The following TTL variants were observed in gnomAD, a reference collection of about 807,000 sequenced individuals.
TTL encodes tubulin--tyrosine ligase.
TTL carries 10 observed loss-of-function variants against 41.1 expected under a neutral mutation model. The ratio of observed to expected loss-of-function variants is 0.24; its 90% CI spans 0.15 to 0.41. The LOEUF (loss-of-function observed/expected upper bound fraction) is 0.41. Among genes scored for constraint, TTL ranks in the 10% least tolerant of loss-of-function variants. The probability of loss-of-function intolerance (pLI) is 1.00; values close to 1 mark genes in which losing one functional copy is unlikely to be tolerated. For synonymous variants in TTL, 175 were observed against 175.5 expected (o/e 1.00, Z 0.02); for missense variants, 367 against 460.4 (o/e 0.80, Z 1.86).
In TTL at chr2:112,533,648, C is replaced by T. The variant is rs1241686181; in HGVS notation, c.*4853C>T. On this transcript the variant is annotated 3_prime_UTR_variant, in exon 7 of 7. Transcript: ENST00000233336. ...GGCAAGAGAGGAATGGAGTCTAACT[C>T]ACCCTTTAACTAGCAACCCATTCCT... is the stretch of plus-strand genomic sequence containing the variant. The T allele has an allele frequency of 6.6e-6, 1 of 152,216 alleles. No individual in the cohort carries two copies. The highest frequency in any genetic ancestry group is 1.5e-5 in the Non-Finnish European group (1 of 68,050). The allele number at this position is 152,216 out of a possible 1,614,324, so 9.4% of individuals were successfully genotyped here.
rs142406598 is a variant in TTL, at chr2:112,524,763, T to A, written c.1020-3918T>A. Among the ~76,000 whole-genome samples, 1,298 of 152,328 alleles carry A rather than the reference T, an allele frequency of 8.5e-3. 21 individuals are homozygous for A. The highest frequency in any genetic ancestry group is 0.03 in the African/African-American group (1,232 of 41,570). ...AGGTTGCCTGTTTGCTGATGGTAGT[T>A]TCTTTTGCTGTGCAGAAGCTCTTTA... On this transcript the variant is annotated intron_variant, in intron 6 of 6. Transcript: ENST00000233336.
intron 5 of TTL, among the ~76,000 whole-genome samples, chr2:112,513,100 TGTTATAGTTATC>T (rs1010114067): frequency 2.0e-5 from 3 of 152,104 alleles, no homozygotes; most frequent in African/African-American, 7.2e-5. Context: ...TCTTGCCCTC[TGTTATAGTTATC>T]ATAAGTATAT....
Position 112,539,237 on chromosome 2 carries a change from C to G in TTL, c.*10442C>G, listed in dbSNP as rs1001774711. 6.6e-6 allele frequency: 1 copy of G among 151,768 alleles called. No homozygotes were observed. The highest frequency in any genetic ancestry group is 6.6e-5 in the Admixed American group (1 of 15,232). 9.4% of individuals were successfully genotyped at this position (151,768 alleles called of 1,614,324 possible). ...GATACTGTGCTCGCTACCTGGGTGA[C>G]AGGTTCAACCATACCCCAGACCTCA... On this transcript the variant is annotated 3_prime_UTR_variant, in exon 7 of 7. Transcript: ENST00000233336.
At chr2:112,528,324 G>T (rs1375780709) in intron 6 of TTL, among the ~76,000 whole-genome samples, 1 of 152,192 alleles carries the variant, frequency 6.6e-6, no homozygotes, top group Non-Finnish European at 1.5e-5. Context: ...AAACTGCCAG[G>T]CACGGTGGCT....
chr2:112,528,400 G>T (rs968432145), intron 6 of TTL, among the ~76,000 whole-genome samples: 2 of 152,154 alleles, frequency 1.3e-5, no homozygotes, highest in African/African-American at 2.4e-5. Context: ...AGGAGTTCAA[G>T]AGCAGCATGG....
At chr2:112,491,027 T>C (rs924950593) in intron 2 of TTL, among the ~76,000 whole-genome samples, 2 of 152,134 alleles carry the variant, frequency 1.3e-5, no homozygotes, top group East Asian at 3.9e-4. Flanking sequence ...AGTCTCACTC[T>C]GTCACCCAGG....
chr2:112,514,167 T>A (rs1384049486), intron 5 of TTL, among the ~76,000 whole-genome samples: 1 of 152,036 alleles, frequency 6.6e-6, no homozygotes, highest in Non-Finnish European at 1.5e-5. Flanking sequence ...GCCGATCACT[T>A]GAGGTCAGGA....
chr2:112,523,350 C>CTGTGTGTGTG (rs60321232), intron 6 of TTL, among the ~76,000 whole-genome samples: 5,258 of 149,818 alleles, frequency 0.035, 250 homozygotes, highest in African/African-American at 0.1. Context: ...GTGTGTGTGT[C>CTGTGTGTGTG]TGTGTGTGTG....
chr2:112,521,818 A>G (rs1331242086), intron 6 of TTL, among the ~76,000 whole-genome samples: 1 of 152,248 alleles, frequency 6.6e-6, no homozygotes, highest in Non-Finnish European at 1.5e-5. Flanking sequence ...TCAATGGAGA[A>G]CAAAGGATGT....
At chr2:112,493,021 A>G (rs1302448734) in intron 2 of TTL, among the ~76,000 whole-genome samples, 1 of 152,242 alleles carries the variant, frequency 6.6e-6, no homozygotes, top group African/African-American at 2.4e-5. Flanking sequence ...CAATGCAGAT[A>G]CGGAGTTGAA....
chr2:112,509,732 T>C (rs571635640), intron 5 of TTL, among the ~76,000 whole-genome samples: 1 of 152,364 alleles, frequency 6.6e-6, no homozygotes. Context: ...CCTAGTGAGA[T>C]GAACCCGGTA....
Position 112,531,708 on chromosome 2 carries a change from G to C in TTL, c.*2913G>C, listed in dbSNP as rs1682513443. ...GACTTAAAAAAAAAAATTCTTTTTG[G>C]AAACACAAGCATTTCTTTAAGGATG... On this transcript the variant is annotated 3_prime_UTR_variant, in exon 7 of 7. Coordinates refer to ENST00000233336, the MANE Select transcript of TTL (RefSeq NM_153712.5). 1 of 222,984 alleles carries C rather than the reference G, an allele frequency of 4.5e-6. No homozygotes were observed. The highest frequency in any genetic ancestry group is 8.9e-6 in the Non-Finnish European group (1 of 111,740). 13.8% of individuals were successfully genotyped at this position (222,984 alleles called of 1,614,324 possible). A position where few individuals can be genotyped will look rare whatever the true frequency, so the allele number is the denominator to read the frequency against.
At chr2:112,493,390 C>A (rs1017011338) in intron 2 of TTL, among the ~76,000 whole-genome samples, 10 of 151,660 alleles carry the variant, frequency 6.6e-5, no homozygotes, top group African/African-American at 2.2e-4. Context: ...TTCGGGCCTG[C>A]ATGTTGGCTG....
At chr2:112,486,546 C>A (rs1298511577) in intron 2 of TTL, among the ~76,000 whole-genome samples, 1 of 152,174 alleles carries the variant, frequency 6.6e-6, no homozygotes, top group Non-Finnish European at 1.5e-5. Flanking sequence ...TGTAAGGGGT[C>A]CCTCAGAAAG....
chr2:112,500,547 G>C (rs1446198691), intron 3 of TTL, among the ~76,000 whole-genome samples: 1 of 152,070 alleles, frequency 6.6e-6, no homozygotes, highest in Non-Finnish European at 1.5e-5. Context: ...CTCCATCCTG[G>C]GCGACAGAGT....
intron 3 of TTL, 96 bp from the exon 4 acceptor site, chr2:112,501,110 C>T: frequency 7.8e-7 from 1 of 1,284,646 alleles, no homozygotes; most frequent in Non-Finnish European, 1.1e-6. Flanking sequence ...TTGAAAGCCT[C>T]TTGTGGGGTT....
At chr2:112,486,545 T>C (rs6708059) in intron 2 of TTL, among the ~76,000 whole-genome samples, 7 of 152,110 alleles carry the variant, frequency 4.6e-5, no homozygotes, top group African/African-American at 7.2e-5. Context: ...CTGTAAGGGG[T>C]CCCTCAGAAA....
intron 4 of TTL, among the ~76,000 whole-genome samples, chr2:112,501,605 C>T (rs1351783318): frequency 1.3e-5 from 2 of 152,006 alleles, no homozygotes; most frequent in Admixed American, 6.6e-5. Context: ...CAGTGGCTCA[C>T]GCTTGTAATC....
At chr2:112,492,592 G>C (rs1361357418) in intron 2 of TTL, among the ~76,000 whole-genome samples, 2 of 152,152 alleles carry the variant, frequency 1.3e-5, no homozygotes, top group Admixed American at 1.3e-4. Flanking sequence ...TTAGCTGGGC[G>C]TGGTGGTGGG....
Sources: gnomAD v4.1 joint callset for allele counts (sites outside exome capture counted in the v4.1 genomes callset) on GRCh38, gnomAD v4.1.1 for gene constraint, MANE v1.5 for transcripts, NCBI Gene and HGNC (gene_info 2026-07-23, HGNC 2026-07-21) for gene names.